Variants in BCKDHA observed in about 807,000 individuals in gnomAD.
BCKDHA encodes branched chain keto acid dehydrogenase E1 subunit alpha, also known as 2-oxoisovalerate dehydrogenase subunit alpha, mitochondrial.
A neutral mutation model predicts 52.2 loss-of-function variants in BCKDHA; 43 were observed. That is an observed-to-expected ratio of 0.82 (90% confidence interval 0.64 to 1.06). The LOEUF (loss-of-function observed/expected upper bound fraction) is 1.06. Among genes scored for constraint, BCKDHA ranks in the 50% least tolerant of loss-of-function variants. The pLI is 0.00. For synonymous variants in BCKDHA, 234 were observed against 247.9 expected, an observed-to-expected ratio of 0.94 and a Z score of 0.53; for missense variants, 527 against 621.3, an observed-to-expected ratio of 0.85 and a Z score of 1.61.
At chr19:41,405,216 C>T (rs946809406) in intron 1 of BCKDHA, among the ~76,000 whole-genome samples, 2 of 152,136 alleles carry the variant, frequency 1.3e-5, no homozygotes, top group African/African-American at 2.4e-5. Flanking sequence ...CATGACAACC[C>T]CTGAGATAAG....
chr19:41,410,542 C>A (rs1195471038), intron 1 of BCKDHA, 95 bp from the exon 2 acceptor site: 1 of 1,431,652 alleles, frequency 7.0e-7, no homozygotes, highest in Non-Finnish European at 9.6e-7. Context: ...GCCACATGCT[C>A]AACCACCATG....
intron 1 of BCKDHA, among the ~76,000 whole-genome samples, chr19:41,407,428 G>C (rs11670725): frequency 0.51 from 78,222 of 151,992 alleles, 21,102 homozygotes; most frequent in Non-Finnish European, 0.59. Context: ...CCTGGACGCT[G>C]TCTCTGCCTT....
intron 3 of BCKDHA, among the ~76,000 whole-genome samples, chr19:41,412,504 G>A (rs141431353): frequency 0.028 from 4,099 of 146,474 alleles, 166 homozygotes; most frequent in African/African-American, 0.097. Context: ...TCAGCCTCCC[G>A]AGTAGCTGGG....
rs536778121 is a variant in BCKDHA at position 41,422,358 on chromosome 19, G to A, written c.841G>A (p.Gly281Ser). ...ISTPTSEQYR[G>S]DGIAARGPGY... ...CACGCCCACCTCTGAGCAGTATCGC[G>A]GCGATGGCATTGGTATGGGCTCTGC... Residue 281 changes from glycine to serine, a missense_variant, in exon 6 of 9, where the codon GGC (glycine) becomes AGC (serine). Gly to Ser is a moderately conservative substitution (Grantham distance 56). Transcript: ENST00000269980. 18 of 1,614,144 alleles carry A rather than the reference G, an allele frequency of 1.1e-5. No homozygotes were observed. Among genetic ancestry groups the A allele is most frequent in the African/African-American group, 1.1e-4 (8 of 75,044 alleles).
At chr19:41,419,892 T>A (rs1401990914) in intron 5 of BCKDHA, among the ~76,000 whole-genome samples, 1 of 151,964 alleles carries the variant, frequency 6.6e-6, no homozygotes, top group African/African-American at 2.4e-5. Flanking sequence ...CTTAGCCTCC[T>A]GAGTAGCTGG....
At chr19:41,414,229 C>A in intron 4 of BCKDHA, 72 bp downstream of exon 4, 2 of 1,415,624 alleles carry the variant, frequency 1.4e-6, no homozygotes, top group Non-Finnish European at 2.0e-6. Flanking sequence ...AGTGTTCTTC[C>A]AGGAGCAGCA....
chr19:41,405,646 A>T (rs1406452710), intron 1 of BCKDHA, among the ~76,000 whole-genome samples: 2 of 152,084 alleles, frequency 1.3e-5, no homozygotes, highest in African/African-American at 4.8e-5. Context: ...GCTGGCCTCG[A>T]ACTCCTGGAC....
intron 3 of BCKDHA, among the ~76,000 whole-genome samples, chr19:41,411,723 CT>C (rs1051759004): frequency 6.6e-6 from 1 of 152,130 alleles, no homozygotes; most frequent in Non-Finnish European, 1.5e-5. Flanking sequence ...AGATTGAGAC[CT>C]CTGTTAACAG....
At chr19:41,420,926 C>T (rs1446770802) in intron 5 of BCKDHA, among the ~76,000 whole-genome samples, 1 of 152,238 alleles carries the variant, frequency 6.6e-6, no homozygotes, top group African/African-American at 2.4e-5. Context: ...GGTCTGGGCC[C>T]TGGCTTCTTT....
At chr19:41,412,584 G>A (rs993373906) in intron 3 of BCKDHA, among the ~76,000 whole-genome samples, 5 of 151,346 alleles carry the variant, frequency 3.3e-5, no homozygotes, top group African/African-American at 1.2e-4. Context: ...CTCCATGTTG[G>A]TCAGTCTGGT....
At chr19:41,400,060 C>T (rs114054661) in intron 1 of BCKDHA, among the ~76,000 whole-genome samples, 3,920 of 151,750 alleles carry the variant, frequency 0.026, 176 homozygotes, top group African/African-American at 0.089. Context: ...TGAGCCACTG[C>T]GCCTAGCCTT....
chr19:41,421,231 G>C (rs751730339), intron 5 of BCKDHA, among the ~76,000 whole-genome samples: 1 of 152,184 alleles, frequency 6.6e-6, no homozygotes, highest in South Asian at 2.1e-4. Flanking sequence ...GCCATGTGCC[G>C]GTGCCACTCC....
chr19:41,400,857 A>G (rs548717716), intron 1 of BCKDHA, among the ~76,000 whole-genome samples: 1 of 151,766 alleles, frequency 6.6e-6, no homozygotes, highest in African/African-American at 2.4e-5. Flanking sequence ...TAAAAATACA[A>G]AAAAATTAGC....
At chr19:41,400,532 G>A (rs924180838) in intron 1 of BCKDHA, among the ~76,000 whole-genome samples, 9 of 151,210 alleles carry the variant, frequency 6.0e-5, no homozygotes, top group African/African-American at 1.9e-4. Context: ...AAGCCACTGT[G>A]CCTGGCTGCG....
At chr19:41,408,241 G>GCCT (rs2039214149) in intron 1 of BCKDHA, among the ~76,000 whole-genome samples, 2 of 97,778 alleles carry the variant, frequency 2.0e-5, no homozygotes, top group African/African-American at 8.9e-5. Context: ...ACAGGCGTAA[G>GCCT]CCACTGCCCA....
At chr19:41,415,926 C>T (rs2039303734) in intron 4 of BCKDHA, among the ~76,000 whole-genome samples, 1 of 146,796 alleles carries the variant, frequency 6.8e-6, no homozygotes, top group South Asian at 2.2e-4. Flanking sequence ...GGATTACAGG[C>T]GTGAGCCACC....
At chr19:41,409,635 T>A (rs757324793) in intron 1 of BCKDHA, among the ~76,000 whole-genome samples, 1 of 152,062 alleles carries the variant, frequency 6.6e-6, no homozygotes, top group African/African-American at 2.4e-5. Flanking sequence ...TTGCTAAGAT[T>A]GTTTTGAGCA....
At chr19:41,422,073 G>C in intron 5 of BCKDHA, 91 bp from the exon 6 acceptor site, 1 of 1,310,410 alleles carries the variant, frequency 7.6e-7, no homozygotes, top group Non-Finnish European at 1.1e-6. Context: ...GCTGGCCTGA[G>C]CCACGCTTGA....
intron 1 of BCKDHA, among the ~76,000 whole-genome samples, chr19:41,403,928 G>T (rs914462491): frequency 1.3e-5 from 2 of 151,522 alleles, no homozygotes; most frequent in Admixed American, 6.6e-5. Context: ...GAAATCTCCC[G>T]TTTTTTTTTA....
Sources: allele counts gnomAD v4.1 joint callset (sites outside exome capture counted in the v4.1 genomes callset), GRCh38; gene constraint gnomAD v4.1.1; transcripts MANE v1.5; gene names NCBI Gene and HGNC (gene_info 2026-07-23, HGNC 2026-07-21).